PDE11A: variants seen among roughly 807,000 people sequenced by gnomAD.
The protein encoded by PDE11A is phosphodiesterase 11A, also known as dual 3',5'-cyclic-AMP and -GMP phosphodiesterase 11A.
In PDE11A, 100 loss-of-function variants were observed where a neutral mutation model predicts 100.5. That is an observed-to-expected ratio of 1.00 (90% CI 0.85 to 1.18). PDE11A has a LOEUF of 1.18. PDE11A is among the 50% of genes most tolerant of loss of function. The pLI is 0.00. For synonymous variants in PDE11A, 381 were observed against 420.8 expected (o/e 0.91, Z 1.16); for missense variants, 1,141 against 1,152.6 (o/e 0.99, Z 0.15).
At chr2:177,671,494 T>C (rs1384338958) in intron 17 of PDE11A, among the ~76,000 whole-genome samples, 1 of 151,818 alleles carries the variant, frequency 6.6e-6, no homozygotes, top group Non-Finnish European at 1.5e-5. Context: ...TTTTAAAAAA[T>C]CAACATCCAG....
At chr2:178,052,231 A>G (rs2086838091) in intron 1 of PDE11A, among the ~76,000 whole-genome samples, 1 of 152,234 alleles carries the variant, frequency 6.6e-6, no homozygotes, top group African/African-American at 2.4e-5. Context: ...GCTCAACTAC[A>G]TGGAAACTGA....
rs992897925 is a variant in PDE11A, at chr2:177,624,439, T to C, written c.*4968A>G. The stretch of plus-strand genomic sequence containing the variant: ...AAAATAGATTTTAAAATAATTTTAC[T>C]GCAGAATAAATTGGGCAGATTCTGT... On this transcript the variant is annotated 3_prime_UTR_variant, in exon 20 of 20. Coordinates refer to ENST00000286063, the MANE Select transcript of PDE11A (RefSeq NM_016953.4). 3 of 152,246 alleles carry C rather than the reference T, an allele frequency of 2.0e-5. No individual in the cohort carries two copies. The highest frequency in any genetic ancestry group is 7.2e-5 in the African/African-American group (3 of 41,462). The allele number at this position is 152,246 out of a possible 1,614,324, so 9.4% of individuals were successfully genotyped here.
At chr2:177,919,711 G>T (rs922250930) in intron 2 of PDE11A, among the ~76,000 whole-genome samples, 1 of 151,682 alleles carries the variant, frequency 6.6e-6, no homozygotes, top group African/African-American at 2.4e-5. Context: ...ATATTAAAAA[G>T]ATATCAATTA....
chr2:177,758,746 C>T (rs2082131315), intron 10 of PDE11A, among the ~76,000 whole-genome samples: 1 of 152,206 alleles, frequency 6.6e-6, no homozygotes, highest in Non-Finnish European at 1.5e-5. Flanking sequence ...GCCTCCTTGG[C>T]CACCCGCCGG....
At chr2:178,011,166 A>G (rs2086269593) in intron 2 of PDE11A, among the ~76,000 whole-genome samples, 1 of 152,130 alleles carries the variant, frequency 6.6e-6, no homozygotes, top group South Asian at 2.1e-4. Flanking sequence ...AACTAGAAGC[A>G]CGGCATTTTA....
At chr2:177,712,784 T>A (rs940425989) in intron 12 of PDE11A, among the ~76,000 whole-genome samples, 1 of 152,164 alleles carries the variant, frequency 6.6e-6, no homozygotes, top group Non-Finnish European at 1.5e-5. Context: ...CTCTTTTACT[T>A]TGTAAGTCTC....
intron 2 of PDE11A, among the ~76,000 whole-genome samples, chr2:177,923,853 G>A (rs2085089217): frequency 1.3e-5 from 2 of 152,182 alleles, no homozygotes; most frequent in South Asian, 4.2e-4. Flanking sequence ...TCTTAAGAAT[G>A]TTAGGCTGAT....
chr2:177,766,628 G>A (rs1463044722), intron 10 of PDE11A, among the ~76,000 whole-genome samples: 2 of 152,164 alleles, frequency 1.3e-5, no homozygotes, highest in East Asian at 3.9e-4. Context: ...ACATACTCCA[G>A]CCTGGAATTT....
intron 9 of PDE11A, among the ~76,000 whole-genome samples, chr2:177,805,459 C>G (rs1303888823): frequency 3.3e-5 from 5 of 151,830 alleles, no homozygotes; most frequent in Non-Finnish European, 5.9e-5. Context: ...TGACTGTATT[C>G]CAGAAAAGGA....
intron 6 of PDE11A, 48 bp from the exon 7 acceptor site, chr2:177,820,343 T>C (rs2083118279): frequency 9.7e-7 from 1 of 1,026,416 alleles, no homozygotes; most frequent in East Asian, 2.4e-5. Flanking sequence ...TAACTATTCA[T>C]TTTTGATTTA....
At chr2:177,647,407 C>T (rs188163211) in intron 19 of PDE11A, among the ~76,000 whole-genome samples, 3 of 152,014 alleles carry the variant, frequency 2.0e-5, no homozygotes, top group Admixed American at 1.3e-4. Context: ...GAATGGTGCT[C>T]GGTGTAAGTC....
At chr2:177,818,860 GA>G (rs962538684) in intron 7 of PDE11A, among the ~76,000 whole-genome samples, 103 of 144,552 alleles carry the variant, frequency 7.1e-4, no homozygotes, top group African/African-American at 2.3e-3. Flanking sequence ...TAGTACAAAA[GA>G]AAAAAAAAAC....
At chr2:177,755,828 C>A (rs1002093831) in intron 10 of PDE11A, among the ~76,000 whole-genome samples, 1 of 152,214 alleles carries the variant, frequency 6.6e-6, no homozygotes, top group Admixed American at 6.5e-5. Context: ...AGTGAGTACC[C>A]AAGGGCTCCA....
At chr2:177,947,619 A>G (rs985097817) in intron 2 of PDE11A, among the ~76,000 whole-genome samples, 1 of 151,822 alleles carries the variant, frequency 6.6e-6, no homozygotes, top group African/African-American at 2.4e-5. Flanking sequence ...AATCAGGGAC[A>G]CAAACACTGC....
intron 2 of PDE11A, among the ~76,000 whole-genome samples, chr2:177,927,574 G>A (rs1574285086): frequency 6.6e-6 from 1 of 152,218 alleles, no homozygotes; most frequent in Non-Finnish European, 1.5e-5. Flanking sequence ...TTTAACACAG[G>A]AGTTCCAGAA....
chr2:178,079,582 T>C (rs2087257772), intron 2 of PDE11A, among the ~76,000 whole-genome samples: 1 of 152,196 alleles, frequency 6.6e-6, no homozygotes, highest in Non-Finnish European at 1.5e-5. Context: ...CTATTGTGAA[T>C]AGTGCTGCAA....
Position 177,811,113 on chromosome 2 carries a change from G to A in PDE11A, c.1737+5716C>T, listed in dbSNP as rs541295815. On this transcript the variant is annotated intron_variant, in intron 9 of 19. Transcript: ENST00000286063. ...GACACCCCAAAGGACAGTTCCTGAT[G>A]TTCAAAATGAGGAAGTTATATTCTA... 8.5e-5 allele frequency among the ~76,000 whole-genome samples: 13 copies of A among 152,248 alleles called. No individual in the cohort carries two copies. In the South Asian group the frequency reaches 2.7e-3, roughly 32 times the overall value.
chr2:177,657,058 A>C (rs1204710308), intron 19 of PDE11A, among the ~76,000 whole-genome samples: 1 of 152,106 alleles, frequency 6.6e-6, no homozygotes, highest in Non-Finnish European at 1.5e-5. Context: ...CTGTGATCAG[A>C]TTTCTTTTTA....
At chr2:177,660,052 T>C (rs552484558) in intron 19 of PDE11A, among the ~76,000 whole-genome samples, 7 of 9,400 alleles carry the variant, frequency 7.4e-4, no homozygotes, top group Admixed American at 4.0e-3. Flanking sequence ...TCTTTCTTTC[T>C]TTCTTTCTTT....
Sources: allele counts gnomAD v4.1 joint callset (sites outside exome capture counted in the v4.1 genomes callset), GRCh38; gene constraint gnomAD v4.1.1; transcripts MANE v1.5; gene names NCBI Gene and HGNC (gene_info 2026-07-23, HGNC 2026-07-21).